Variants in UGT2B7 observed in about 807,000 individuals in gnomAD.
UGT2B7 encodes UDP glucuronosyltransferase family 2 member B7.
Under a neutral mutation model 51.9 loss-of-function variants are expected in UGT2B7, and 51 were observed. The ratio of observed to expected loss-of-function variants is 0.98; its 90% CI spans 0.78 to 1.24. The LOEUF is 1.24. Among genes scored for constraint, UGT2B7 ranks in the 50% most tolerant of loss-of-function variants. UGT2B7 has a pLI of 0.00. For missense variants in UGT2B7, 727 were observed against 628.4 expected, an observed-to-expected ratio of 1.16 and a Z score of -1.68; for synonymous variants, 225 against 211.6, an observed-to-expected ratio of 1.06 and a Z score of -0.55.
intron 1 of UGT2B7, among the ~76,000 whole-genome samples, chr4:69,059,536 A>C (rs183532401): frequency 7.2e-4 from 109 of 152,342 alleles, no homozygotes; most frequent in African/African-American, 2.6e-3. Flanking sequence ...TCTGGAACCA[A>C]GAGTAAATGA....
intron 1 of UGT2B7, among the ~76,000 whole-genome samples, chr4:69,081,140 A>G (rs976744393): frequency 1.3e-5 from 2 of 152,166 alleles, no homozygotes; most frequent in African/African-American, 4.8e-5. Flanking sequence ...ATTTTCCCAA[A>G]TGTAACATTC....
At chr4:69,094,395 G>T, upstream of UGT2B7, among the ~76,000 whole-genome samples, 1 of 141,140 alleles carries the variant, frequency 7.1e-6, no homozygotes, top group South Asian at 2.4e-4. Flanking sequence ...TGATCCGCCC[G>T]CCTCGGCCTC....
intron 1 of UGT2B7, among the ~76,000 whole-genome samples, chr4:69,064,112 A>AAGAAAGAGAGAGAGAGAGAAAG: frequency 1.2e-5 from 1 of 86,800 alleles, no homozygotes; most frequent in Non-Finnish European, 2.2e-5. Context: ...GAAAGAAAGA[A>AAGAAAGAGAGAGAGAGAGAAAG]AAAGAAAGAA....
At chr4:69,089,782 C>T (rs1035178783) in intron 2 of UGT2B7, among the ~76,000 whole-genome samples, 3 of 152,118 alleles carry the variant, frequency 2.0e-5, no homozygotes, top group Non-Finnish European at 2.9e-5. Context: ...CCTATGAATG[C>T]TTGAAGTTAC....
At position 69,082,531 on chromosome 4, in the gene UGT2B7, C is replaced by T. The variant is rs1178928749; in HGVS notation, c.-158-6941C>T. Among the ~76,000 whole-genome samples, 5 of 151,976 alleles carry T rather than the reference C, an allele frequency of 3.3e-5. No homozygotes were observed. The East Asian group carries it at 9.7e-4, about 29-fold the overall frequency. On this transcript the variant is annotated intron_variant, in intron 1 of 5. Transcript: ENST00000502942. ...GAAGTTTTAATCTGGATATATCAAA[C>T]CAGCCACAATCACGCCTTAACCCTA...
At chr4:69,103,159 A>G (rs979184625) in intron 3 of UGT2B7, among the ~76,000 whole-genome samples, 3 of 152,102 alleles carry the variant, frequency 2.0e-5, no homozygotes, top group Non-Finnish European at 2.9e-5. Context: ...AAATATGCTG[A>G]CAATAAATTG....
At chr4:69,099,705 T>G (rs113155429) in intron 2 of UGT2B7, among the ~76,000 whole-genome samples, 1 of 152,102 alleles carries the variant, frequency 6.6e-6, no homozygotes, top group African/African-American at 2.4e-5. Context: ...ATATAGTCAG[T>G]GACTCAGAAA....
In UGT2B7 at chr4:69,112,836, CA is replaced by C. The variant is rs57075995; in HGVS notation, c.*113del. 0.073 allele frequency: 73,601 copies of C among 1,008,240 alleles called. No homozygotes were observed. The highest frequency in any genetic ancestry group is 0.083 in the Middle Eastern group (294 of 3,538). The allele number at this position is 1,008,240 out of a possible 1,614,324, so 62.5% of individuals were successfully genotyped here. ...ATGCAAGATTTCTTTCTTCCTGAGA[CA>C]AAAAAAAAAAAAGAAAAAAAAATCT... is the stretch of plus-strand genomic sequence containing the variant. On this transcript the variant is annotated 3_prime_UTR_variant, in exon 6 of 6. Coordinates refer to ENST00000305231, the MANE Select transcript of UGT2B7 (RefSeq NM_001074.4).
At chr4:69,107,719 C>T (rs1719645873) in intron 4 of UGT2B7, among the ~76,000 whole-genome samples, 1 of 152,148 alleles carries the variant, frequency 6.6e-6, no homozygotes, top group Non-Finnish European at 1.5e-5. Context: ...CCTGTCCTTC[C>T]TCAATCCTAG....
At chr4:69,097,378 A>C (rs1251472500) in intron 1 of UGT2B7, 137 bp downstream of exon 1, 2 of 1,061,034 alleles carry the variant, frequency 1.9e-6, no homozygotes, top group African/African-American at 1.6e-5. Context: ...AAGATGATCT[A>C]TTAATCTCAC....
chr4:69,063,180 G>A (rs1451306706), intron 1 of UGT2B7, among the ~76,000 whole-genome samples: 1 of 150,654 alleles, frequency 6.6e-6, no homozygotes, highest in East Asian at 2.0e-4. Flanking sequence ...TTAGCCGGGC[G>A]TAGTGGCGGG....
chr4:69,066,880 A>G (rs1373696707), intron 1 of UGT2B7, among the ~76,000 whole-genome samples: 2 of 152,032 alleles, frequency 1.3e-5, no homozygotes. Context: ...GATCTCCTGC[A>G]TTTTCTATGG....
intron 1 of UGT2B7, among the ~76,000 whole-genome samples, chr4:69,085,772 C>A (rs1246807633): frequency 6.6e-6 from 1 of 151,714 alleles, no homozygotes. Context: ...TGGTATGTGT[C>A]CAAAAACTTT....
chr4:69,077,020 C>A (rs1002240760), intron 1 of UGT2B7, among the ~76,000 whole-genome samples: 3 of 152,146 alleles, frequency 2.0e-5, no homozygotes, highest in Non-Finnish European at 2.9e-5. Flanking sequence ...TTTCCCAGCA[C>A]CATTTATTAA....
At position 69,097,188 on chromosome 4, in the gene UGT2B7, G is replaced by C. The variant is rs772168662; in HGVS notation, c.668G>C (p.Trp223Ser). ...ATCTATGTGCTTTACTTTGACTTTTGGTTCGAAATATTTGACATGAAGAAG... is the reference window on the plus strand; with the variant it reads ...ATCTATGTGCTTTACTTTGACTTTTCGTTCGAAATATTTGACATGAAGAAG... ...NMIYVLYFDF[W>S]FEIFDMKKWD... is the part of the protein sequence containing the mutation. Residue 223 changes from tryptophan (W) to serine (S), a missense_variant, in exon 1 of 6, where the codon TGG (tryptophan) becomes TCG (serine). Transcript: ENST00000305231. The C allele has an allele frequency of 1.2e-6, 2 of 1,612,342 alleles. No individual in the cohort carries two copies. The highest frequency in any genetic ancestry group is 1.1e-5 in the South Asian group (1 of 90,858).
chr4:69,075,026 A>G (rs1391388995), intron 1 of UGT2B7, among the ~76,000 whole-genome samples: 3 of 152,182 alleles, frequency 2.0e-5, no homozygotes, highest in African/African-American at 7.2e-5. Flanking sequence ...ATCTTTGAGT[A>G]AATATTTTAA....
At chr4:69,085,273 T>G (rs908622942) in intron 1 of UGT2B7, among the ~76,000 whole-genome samples, 2 of 152,174 alleles carry the variant, frequency 1.3e-5, no homozygotes, top group African/African-American at 4.8e-5. Context: ...TTTTGAGAAG[T>G]GTCTGTTCAT....
intron 1 of UGT2B7, among the ~76,000 whole-genome samples, chr4:69,076,817 T>C (rs188737617): frequency 5.4e-4 from 83 of 152,364 alleles, no homozygotes; most frequent in Non-Finnish European, 9.4e-4. Flanking sequence ...TTGGCTTTTG[T>C]TGCCATTGCT....
chr4:69,090,984 C>T (rs1000109046), intron 2 of UGT2B7, among the ~76,000 whole-genome samples: 3 of 152,144 alleles, frequency 2.0e-5, no homozygotes, highest in Admixed American at 2.0e-4. Flanking sequence ...CCTCAAATTT[C>T]TCTGTGATCC....
Sources: gnomAD v4.1 joint callset for allele counts (sites outside exome capture counted in the v4.1 genomes callset) on GRCh38, gnomAD v4.1.1 for gene constraint, MANE v1.5 for transcripts, NCBI Gene and HGNC (gene_info 2026-07-23, HGNC 2026-07-21) for gene names.